Variants in ETV1 observed in about 807,000 individuals in gnomAD.
The protein encoded by ETV1 is ETS variant transcription factor 1.
Under a neutral mutation model 62.3 loss-of-function variants are expected in ETV1, and 27 were observed. That is an observed-to-expected ratio of 0.43 (90% CI 0.32 to 0.60). The LOEUF is 0.60. ETV1 is among the 20% of genes least tolerant of loss of function. The pLI is 0.06. For missense variants in ETV1, 605 were observed against 605.8 expected, an observed-to-expected ratio of 1.00 and a Z score of 0.01; for synonymous variants, 222 against 199.6, an observed-to-expected ratio of 1.11 and a Z score of -0.94.
chr7:13,967,011 T>C (rs1483893198), intron 6 of ETV1, among the ~76,000 whole-genome samples: 1 of 152,142 alleles, frequency 6.6e-6, no homozygotes, highest in Non-Finnish European at 1.5e-5. Context: ...GTGTAGCATA[T>C]GTACCCAATA....
At chr7:13,942,318 C>T (rs534741643) in intron 6 of ETV1, among the ~76,000 whole-genome samples, 69 of 151,786 alleles carry the variant, frequency 4.5e-4, no homozygotes, top group Admixed American at 1.1e-3. Flanking sequence ...CCACCGTGCC[C>T]GGCCTCTTTT....
chr7:13,989,343 T>C lies in ETV1; in HGVS notation c.-163A>G, dbSNP rs1234000014. 3.9e-6 allele frequency: 2 copies of C among 509,500 alleles called. No individual in the cohort carries two copies. Among genetic ancestry groups the C allele is most frequent in the South Asian group, 3.3e-5 (1 of 30,608 alleles). The allele number at this position is 509,500 out of a possible 1,614,324, so 31.6% of individuals were successfully genotyped here. A position where few individuals can be genotyped will look rare whatever the true frequency, so the allele number is the denominator to read the frequency against. On this transcript the variant is annotated 5_prime_UTR_variant, in exon 2 of 14. Coordinates refer to ENST00000430479, the MANE Select transcript of ETV1 (RefSeq NM_004956.5). ...TAGCAAAAATCCGAACAAGAGGCGA[T>C]GTATTTATTTACACTCTCGATGTTT...
rs2128394437 is a variant in ETV1, at chr7:13,891,719, T to C, written c.*4147A>G. On this transcript the variant is annotated 3_prime_UTR_variant, in exon 14 of 14. Coordinates refer to ENST00000430479, the MANE Select transcript of ETV1 (RefSeq NM_004956.5). ...TCTTTTTGAAACTTGATTTTTCCAA[T>C]TCTTAGTAGAATTGCTTAATATGTA... is the stretch of plus-strand genomic sequence containing the variant. 4.3e-6 allele frequency: 1 copy of C among 232,234 alleles called. No individual in the cohort carries two copies. Among genetic ancestry groups the C allele is most frequent in the East Asian group, 6.1e-5 (1 of 16,326 alleles). 14.4% of individuals were successfully genotyped at this position (232,234 alleles called of 1,614,324 possible).
intron 7 of ETV1, among the ~76,000 whole-genome samples, chr7:13,936,527 T>G (rs1295288810): frequency 6.6e-6 from 1 of 152,182 alleles, no homozygotes; most frequent in Non-Finnish European, 1.5e-5. Context: ...TAAAAAATAA[T>G]GTCATTAGGA....
At chr7:13,953,426 T>C (rs2128474406) in intron 6 of ETV1, among the ~76,000 whole-genome samples, 1 of 152,316 alleles carries the variant, frequency 6.6e-6, no homozygotes, top group Non-Finnish European at 1.5e-5. Context: ...CTTCTCTGCC[T>C]AGTAATTCTG....
At position 13,892,628 on chromosome 7, in the gene ETV1, G is replaced by T; in HGVS notation, c.*3238C>A. On this transcript the variant is annotated 3_prime_UTR_variant, in exon 14 of 14. Coordinates refer to ENST00000430479, the MANE Select transcript of ETV1 (RefSeq NM_004956.5). ...ATCTAGCCAAAGGGACTTGGCACAC[G>T]TCATTAAGTTAAGGATCTTGAGATG... 8.6e-6 allele frequency: 2 copies of T among 232,212 alleles called. No homozygotes were observed. Among genetic ancestry groups the T allele is most frequent in the East Asian group, 1.2e-4 (2 of 16,436 alleles). 14.4% of individuals were successfully genotyped at this position (232,212 alleles called of 1,614,324 possible). A position where few individuals can be genotyped will look rare whatever the true frequency, so the allele number is the denominator to read the frequency against.
At chr7:13,964,339 A>G (rs767430262) in intron 6 of ETV1, among the ~76,000 whole-genome samples, 3 of 152,168 alleles carry the variant, frequency 2.0e-5, no homozygotes, top group Non-Finnish European at 4.4e-5. Context: ...AGTATTTGAC[A>G]ACAACTTTTG....
intron 4 of ETV1, among the ~76,000 whole-genome samples, chr7:13,987,316 G>T (rs1445113323): frequency 1.3e-5 from 2 of 151,554 alleles, no homozygotes; most frequent in Admixed American, 6.6e-5. Context: ...GGGAGGGAGA[G>T]AGGGAGGTAT....
rs534758827 is a variant in ETV1, at chr7:13,900,807, C to T, written c.1143G>A (p.Arg381=). The change falls in exon 13 of 14, where the codon AGG becomes AGA. Residue 381 remains arginine, a synonymous_variant. Transcript: ENST00000430479. ...TAAGTTTATCATAGTTCATAGCTGG[C>T]CTGTTTTTCTGAATGCCCCAACGTC... ...VARRWGIQKN[R]PAMNYDKLSR... 5.0e-6 allele frequency: 8 copies of T among 1,610,770 alleles called. No individual in the cohort carries two copies. In the East Asian group the frequency reaches 1.1e-4, roughly 22 times the overall value.
intron 6 of ETV1, among the ~76,000 whole-genome samples, chr7:13,943,841 C>A (rs1173683048): frequency 6.6e-6 from 1 of 151,898 alleles, no homozygotes; most frequent in Non-Finnish European, 1.5e-5. Context: ...CAGATTTTTG[C>A]ATTATAATGA....
intron 9 of ETV1, among the ~76,000 whole-genome samples, chr7:13,923,908 G>A (rs571589808): frequency 6.6e-5 from 10 of 152,086 alleles, no homozygotes; most frequent in African/African-American, 1.4e-4. Flanking sequence ...GGTGGCGCAC[G>A]CCTGTGATCC....
At chr7:13,935,995 G>T (rs1786769800) in intron 7 of ETV1, 99 bp from the exon 8 acceptor site, 9 of 945,242 alleles carry the variant, frequency 9.5e-6, no homozygotes, top group African/African-American at 3.3e-5. Context: ...TTAGACTTAA[G>T]TCAAATGGAA....
chr7:13,979,785 A>C lies in ETV1; in HGVS notation c.182-2305T>G, dbSNP rs537202954. ...AAGTTAAAAATAGCTGGTGAGTAACAAAAGTATACTTGTAACTGAATATGA... is the reference window on the plus strand; with the variant it reads ...AAGTTAAAAATAGCTGGTGAGTAACCAAAGTATACTTGTAACTGAATATGA... On this transcript the variant is annotated intron_variant, in intron 5 of 13. Transcript: ENST00000430479. 2.0e-5 allele frequency among the ~76,000 whole-genome samples: 3 copies of C among 152,274 alleles called. No homozygotes were observed. In the East Asian group the frequency reaches 5.8e-4, roughly 29 times the overall value.
intron 9 of ETV1, among the ~76,000 whole-genome samples, chr7:13,925,777 T>C (rs574747112): frequency 2.0e-4 from 30 of 152,030 alleles, no homozygotes; most frequent in African/African-American, 6.0e-4. Context: ...ACCGTGGTCT[T>C]GATCTCCTGA....
At chr7:13,928,941 G>C (rs1274137266) in intron 9 of ETV1, among the ~76,000 whole-genome samples, 1 of 152,220 alleles carries the variant, frequency 6.6e-6, no homozygotes, top group African/African-American at 2.4e-5. Context: ...CTGGGCGACA[G>C]AGCGAGACTC....
At chr7:13,971,829 G>A (rs918731597) in intron 6 of ETV1, among the ~76,000 whole-genome samples, 10 of 152,090 alleles carry the variant, frequency 6.6e-5, no homozygotes, top group African/African-American at 2.2e-4. Context: ...ATGATATAAC[G>A]GCCAGGCACA....
chr7:13,981,544 T>TATACAC (rs68083019), intron 5 of ETV1, among the ~76,000 whole-genome samples: 5 of 150,846 alleles, frequency 3.3e-5, no homozygotes, highest in African/African-American at 1.2e-4. Flanking sequence ...TATATATATA[T>TATACAC]ACACACACAC....
intron 9 of ETV1, 58 bp downstream of exon 9, chr7:13,931,444 T>C: frequency 1.2e-6 from 2 of 1,601,890 alleles, no homozygotes; most frequent in African/African-American, 1.3e-5. Context: ...CACTAACCAA[T>C]GTGACAAGGG....
At chr7:13,987,838 A>G (rs1208715465) in intron 4 of ETV1, among the ~76,000 whole-genome samples, 1 of 152,224 alleles carries the variant, frequency 6.6e-6, no homozygotes, top group Non-Finnish European at 1.5e-5. Context: ...AACACAAAAC[A>G]ATGATTAAAA....
Sources: gnomAD v4.1 joint callset for allele counts (sites outside exome capture counted in the v4.1 genomes callset) on GRCh38, gnomAD v4.1.1 for gene constraint, MANE v1.5 for transcripts, NCBI Gene and HGNC (gene_info 2026-07-23, HGNC 2026-07-21) for gene names.